Variants in TIGAR observed in about 807,000 individuals in gnomAD.
The protein encoded by TIGAR is fructose-2,6-bisphosphatase TIGAR.
Under a neutral mutation model 17.9 loss-of-function variants are expected in TIGAR, and 7 were observed. The observed-to-expected ratio is 0.39, with a 90% CI of 0.22 to 0.73. The LOEUF (loss-of-function observed/expected upper bound fraction) is 0.73. Among genes scored for constraint, TIGAR ranks in the 30% least tolerant of loss-of-function variants. The pLI is 0.42. For missense variants in TIGAR, 258 were observed against 327.4 expected (o/e 0.79, Z 1.64); for synonymous variants, 94 against 108.6 (o/e 0.87, Z 0.84).
At chr12:4,324,195 T>C (rs1864510271) in intron 1 of TIGAR, among the ~76,000 whole-genome samples, 1 of 152,224 alleles carries the variant, frequency 6.6e-6, no homozygotes, top group African/African-American at 2.4e-5. Flanking sequence ...TGGCACAGCA[T>C]TGTTGAAAAC....
intron 2 of TIGAR, among the ~76,000 whole-genome samples, chr12:4,335,881 G>C (rs2120664374): frequency 6.6e-6 from 1 of 152,264 alleles, no homozygotes. Flanking sequence ...CCATTGAGGG[G>C]CCCTCCAGCC....
At chr12:4,327,641 T>C (rs1457533029) in intron 1 of TIGAR, among the ~76,000 whole-genome samples, 1 of 152,200 alleles carries the variant, frequency 6.6e-6, no homozygotes, top group East Asian at 1.9e-4. Flanking sequence ...TCCCTAGGCA[T>C]GGAGGCAGTT....
intron 3 of TIGAR, among the ~76,000 whole-genome samples, chr12:4,342,785 T>A (rs529113335): frequency 1.2e-4 from 19 of 152,156 alleles, no homozygotes; most frequent in African/African-American, 3.6e-4. Context: ...CAAAAACATG[T>A]CAGATTGTAA....
At chr12:4,336,710 C>T (rs139173144) in intron 2 of TIGAR, among the ~76,000 whole-genome samples, 6 of 152,120 alleles carry the variant, frequency 3.9e-5, no homozygotes, top group South Asian at 4.2e-4. Flanking sequence ...ATGGTCCTAC[C>T]GCCCCAACAC....
At chr12:4,336,938 T>A in intron 2 of TIGAR, 101 bp from the exon 3 acceptor site, 1 of 1,312,334 alleles carries the variant, frequency 7.6e-7, no homozygotes, top group African/African-American at 1.5e-5. Context: ...AAATCTTTCA[T>A]TAAAATTTAG....
At chr12:4,344,434 T>A (rs1456342859) in intron 3 of TIGAR, among the ~76,000 whole-genome samples, 1 of 152,112 alleles carries the variant, frequency 6.6e-6, no homozygotes, top group African/African-American at 2.4e-5. Context: ...AAAAAGAATT[T>A]TAGACCAATA....
chr12:4,337,260 G>C, intron 3 of TIGAR, 100 bp downstream of exon 3: 2 of 804,316 alleles, frequency 2.5e-6, no homozygotes, highest in African/African-American at 1.9e-5. Flanking sequence ...TCCATCTCCC[G>C]GGTTCAAGTG....
chr12:4,321,845 C>G lies in TIGAR; in HGVS notation c.32+542C>G, dbSNP rs1864481569. On this transcript the variant is annotated intron_variant, in intron 1 of 5. Transcript: ENST00000179259. This position sits in a 1 kb window ranked among gnomAD's most constrained non-coding sequence, Gnocchi z 5.2. Reference sequence around the variant, plus strand: ...AGTTCTGGGAGAGAAAAGAGGATCACAGCTCTGATCTCAGCAGACCGTATC... The same window carrying G: ...AGTTCTGGGAGAGAAAAGAGGATCAGAGCTCTGATCTCAGCAGACCGTATC... 6.6e-6 allele frequency among the ~76,000 whole-genome samples: 1 copy of G among 152,180 alleles called. No homozygotes were observed. Among genetic ancestry groups the G allele is most frequent in the African/African-American group, 2.4e-5 (1 of 41,436 alleles).
intron 1 of TIGAR, chr12:4,324,896 A>T (rs1591658350): frequency 5.1e-6 from 2 of 389,664 alleles, no homozygotes. Context: ...AATTTAATAT[A>T]CTTTTAATGA....
chr12:4,332,889 C>G (rs1047909892), intron 2 of TIGAR, among the ~76,000 whole-genome samples: 2 of 152,182 alleles, frequency 1.3e-5, no homozygotes, highest in Admixed American at 1.3e-4. Context: ...CCTGCATGTC[C>G]TAAATATCAA....
At chr12:4,338,975 CACAAAAAAA>C (rs1378358223) in intron 3 of TIGAR, among the ~76,000 whole-genome samples, 457 of 38,198 alleles carry the variant, frequency 0.012, 13 homozygotes, top group African/African-American at 0.042. Flanking sequence ...AACTTTGTCT[CACAAAAAAA>C]AAAAAAAAAA....
At chr12:4,342,377 T>G (rs1315262451) in intron 3 of TIGAR, among the ~76,000 whole-genome samples, 1 of 152,026 alleles carries the variant, frequency 6.6e-6, no homozygotes, top group Non-Finnish European at 1.5e-5. Context: ...ATTCAGGAAA[T>G]ACAGAGAATG....
At chr12:4,323,912 T>G (rs1157002658) in intron 1 of TIGAR, among the ~76,000 whole-genome samples, 1 of 152,220 alleles carries the variant, frequency 6.6e-6, no homozygotes, top group African/African-American at 2.4e-5. Flanking sequence ...ATTTTTAAAT[T>G]TGACTCATTA....
chr12:4,335,565 G>T (rs1005798716), intron 2 of TIGAR: 2 of 152,370 alleles, frequency 1.3e-5, no homozygotes, highest in Non-Finnish European at 1.5e-5. Flanking sequence ...CACTGAAGGA[G>T]AAGTCAGTAG....
chr12:4,349,557 A>G (rs960135122), intron 3 of TIGAR, among the ~76,000 whole-genome samples: 2 of 152,186 alleles, frequency 1.3e-5, no homozygotes, highest in South Asian at 2.1e-4. Flanking sequence ...AGCTGGAACT[A>G]CAGGTGCGTG....
chr12:4,344,319 T>G (rs1864757193), intron 3 of TIGAR, among the ~76,000 whole-genome samples: 2 of 152,162 alleles, frequency 1.3e-5, no homozygotes, highest in South Asian at 4.1e-4. Flanking sequence ...CTGGTACCAT[T>G]CCTTCTGAAA....
At chr12:4,342,935 G>C (rs551388886) in intron 3 of TIGAR, among the ~76,000 whole-genome samples, 59 of 152,314 alleles carry the variant, frequency 3.9e-4, no homozygotes, top group Non-Finnish European at 7.1e-4. Flanking sequence ...AAAAGACACA[G>C]ACTGGCAACT....
chr12:4,351,631 A>C (rs1239252390), intron 5 of TIGAR, among the ~76,000 whole-genome samples: 1 of 152,230 alleles, frequency 6.6e-6, no homozygotes, highest in Non-Finnish European at 1.5e-5. Context: ...AATATGAAGC[A>C]GTGGCTTAGT....
intron 3 of TIGAR, among the ~76,000 whole-genome samples, chr12:4,342,087 A>G (rs1189820058): frequency 3.9e-5 from 6 of 152,256 alleles, no homozygotes; most frequent in Non-Finnish European, 4.4e-5. Flanking sequence ...TACGTGATGA[A>G]TGCACAAGCT....
Sources: allele counts gnomAD v4.1 joint callset (sites outside exome capture counted in the v4.1 genomes callset), GRCh38; gene constraint gnomAD v4.1.1; non-coding constraint Gnocchi (gnomAD v3.1); transcripts MANE v1.5; gene names NCBI Gene and HGNC (gene_info 2026-07-23, HGNC 2026-07-21).